Variants in ALDH3B1 observed in about 807,000 individuals in gnomAD.
The protein encoded by ALDH3B1 is aldehyde dehydrogenase 3 family member B1, also known as aldehyde dehydrogenase family 3 member B1.
In ALDH3B1, 37 loss-of-function variants were observed where a neutral mutation model predicts 46.2. The ratio of observed to expected loss-of-function variants is 0.80; its 90% confidence interval spans 0.62 to 1.05. The LOEUF (loss-of-function observed/expected upper bound fraction) is 1.05, where lower values mean the gene tolerates loss of function less well. ALDH3B1 is among the 50% of genes least tolerant of loss of function. The pLI is 0.00. For synonymous variants in ALDH3B1, 283 were observed against 281.0 expected, an observed-to-expected ratio of 1.01 and a Z score of -0.07; for missense variants, 603 against 665.5, an observed-to-expected ratio of 0.91 and a Z score of 1.03.
intron 8 of ALDH3B1, among the ~76,000 whole-genome samples, chr11:68,023,886 T>A (rs1159467403): frequency 6.6e-6 from 1 of 151,944 alleles, no homozygotes; most frequent in Non-Finnish European, 1.5e-5. Context: ...TATGAAACAT[T>A]TTTTTAAGAT....
Position 68,018,834 on chromosome 11 carries a change from C to A in ALDH3B1, c.335C>A (p.Ala112Glu). 5 of 1,565,280 alleles carry A rather than the reference C, an allele frequency of 3.2e-6. No individual in the cohort carries two copies. The highest frequency in any genetic ancestry group is 1.7e-4 in the Middle Eastern group (1 of 6,002). Residue 112 changes from alanine (A) to glutamate (E), a missense_variant, in exon 4 of 10, where the codon GCG becomes GAG. By Grantham distance (107) the Ala-to-Glu change is moderately radical. Transcript: ENST00000342456. The part of the protein sequence containing the change: ...KEPFGLVLII[A>E]PWNYPLNLTL... ...CCCTTTGGCCTGGTCCTCATCATTG[C>A]GCCCTGGAACTATCCGCTGAACCTG...
intron 8 of ALDH3B1, among the ~76,000 whole-genome samples, chr11:68,023,055 G>A (rs1233642407): frequency 1.3e-5 from 2 of 152,066 alleles, no homozygotes; most frequent in African/African-American, 4.8e-5. Flanking sequence ...CTTACACATC[G>A]GGGCCTGGTG....
At chr11:68,016,725 G>C (rs1485798687) in intron 2 of ALDH3B1, 1 of 152,448 alleles carries the variant, frequency 6.6e-6, no homozygotes, top group Non-Finnish European at 1.5e-5. Flanking sequence ...TGCCTTGAAG[G>C]CTGTAGTGTT....
At position 68,026,085 on chromosome 11, in the gene ALDH3B1, C is replaced by A. The variant is rs1415472019; in HGVS notation, c.1193C>A (p.Ala398Asp). 16 of 1,605,910 alleles carry A rather than the reference C, an allele frequency of 1.0e-5. No homozygotes were observed. The Admixed American group carries it at 2.0e-4, about 20-fold the overall frequency. Residue 398 changes from alanine (A) to aspartate (D), a missense_variant, in exon 9 of 10, where the codon GCC (alanine) becomes GAC (aspartate). Physicochemically the swap from Ala to Asp is moderately radical, Grantham distance 126. Transcript: ENST00000342456. ...GNDGFMHMTL[A>D]SLPFGGVGAS... ...GACGGCTTCATGCACATGACCCTGG[C>A]CAGCCTGCCTTTTGGAGGAGTGGGT... is the stretch of plus-strand genomic sequence containing the variant.
chr11:68,026,736 C>A (rs1394992432), intron 9 of ALDH3B1, among the ~76,000 whole-genome samples: 1 of 152,210 alleles, frequency 6.6e-6, no homozygotes, highest in Non-Finnish European at 1.5e-5. Flanking sequence ...AGGCCCCGAG[C>A]AGGTGACAGG....
chr11:68,015,661 C>T (rs1857336943), intron 2 of ALDH3B1: 2 of 748,644 alleles, frequency 2.7e-6, no homozygotes, highest in Non-Finnish European at 4.7e-6. Context: ...TGAGCACCTA[C>T]TATGTGCCAG....
Position 68,018,766 on chromosome 11 carries a change from G to A in ALDH3B1, c.274-7G>A, listed in dbSNP as rs1017098544. On this transcript the variant is annotated splice_region_variant and splice_polypyrimidine_tract_variant and intron_variant, in intron 3 of 9. Coordinates refer to ENST00000342456, the MANE Select transcript of ALDH3B1 (RefSeq NM_000694.4). ...GCACTTAATTTCATCCCCGGCTCCC[G>A]GCCCAGGCCACGCAGCTGGACTCCG... 24 of 1,551,740 alleles carry A rather than the reference G, an allele frequency of 1.5e-5. No homozygotes were observed. Among genetic ancestry groups the A allele is most frequent in the East Asian group, 2.4e-5 (1 of 40,958 alleles).
chr11:68,024,040 G>A (rs936353905), intron 8 of ALDH3B1, among the ~76,000 whole-genome samples: 3 of 151,848 alleles, frequency 2.0e-5, no homozygotes, highest in Admixed American at 6.6e-5. Context: ...GGATTTTGCT[G>A]TTTTTCCACT....
intron 4 of ALDH3B1, 115 bp from the exon 5 acceptor site, chr11:68,019,055 C>T: frequency 6.9e-7 from 1 of 1,457,670 alleles, no homozygotes; most frequent in Non-Finnish European, 9.3e-7. Context: ...CATGTTACCT[C>T]TCTGAACCAG....
intron 9 of ALDH3B1, 81 bp downstream of exon 9, chr11:68,026,189 A>C (rs1590783766): frequency 8.2e-7 from 1 of 1,214,178 alleles, no homozygotes; most frequent in Non-Finnish European, 1.1e-6. Flanking sequence ...CTGCCAAAGC[A>C]CCCCAGCCCC....
intron 3 of ALDH3B1, 21 bp downstream of exon 3, chr11:68,018,658 C>A (rs768701840): frequency 1.9e-6 from 3 of 1,557,228 alleles, no homozygotes; most frequent in Non-Finnish European, 2.6e-6. Flanking sequence ...CGGGCTGAGG[C>A]GGGCAGGGGG....
intron 2 of ALDH3B1, chr11:68,015,722 T>G: frequency 3.1e-6 from 2 of 649,840 alleles, no homozygotes; most frequent in South Asian, 3.1e-5. Context: ...ACAGTTCCCA[T>G]GCCTACGAAG....
At chr11:68,018,276 G>T in intron 2 of ALDH3B1, 1 of 530,210 alleles carries the variant, frequency 1.9e-6, no homozygotes. Flanking sequence ...CGTCCTAATG[G>T]AGCCGTCAGC....
chr11:68,021,566 A>C lies in ALDH3B1; in HGVS notation c.644A>C (p.Asn215Thr). ...GTCACCCTGGAGCTGGGGGGCAAGA[A>C]CCCTTGCTACGTGGACGACAACTGC... The part of the protein sequence containing the change: ...TPVTLELGGK[N>T]PCYVDDNCDP... The change falls in exon 7 of 10, where the codon AAC becomes ACC. Residue 215 changes from asparagine to threonine, a missense_variant. Physicochemically the swap from Asn to Thr is moderately conservative, Grantham distance 65. Transcript: ENST00000342456. The C allele has an allele frequency of 6.2e-7, 1 of 1,613,974 alleles. No homozygotes were observed. The highest frequency in any genetic ancestry group is 8.5e-7 in the Non-Finnish European group (1 of 1,179,960).
At position 68,028,946 on chromosome 11, in the gene ALDH3B1, T is replaced by G. The variant is rs1565143648; in HGVS notation, c.*1007T>G. 1 of 152,262 alleles carries G rather than the reference T, an allele frequency of 6.6e-6. No homozygotes were observed. The highest frequency in any genetic ancestry group is 2.1e-4 in the South Asian group (1 of 4,830). The allele number at this position is 152,262 out of a possible 1,614,324, so 9.4% of individuals were successfully genotyped here. On this transcript the variant is annotated 3_prime_UTR_variant, in exon 10 of 10. Transcript: ENST00000342456. ...GTCATACTCTTCCCCATGCTGCTCA[T>G]CCTCCTGGGCCCCATCCACTCAGCC...
chr11:68,020,154 C>T (rs896621833), intron 6 of ALDH3B1, among the ~76,000 whole-genome samples: 2 of 152,150 alleles, frequency 1.3e-5, no homozygotes, highest in Admixed American at 6.5e-5. Flanking sequence ...TGCCCAGGGT[C>T]ACCCTGCTGG....
At chr11:68,022,128 A>G (rs961655171) in intron 7 of ALDH3B1, among the ~76,000 whole-genome samples, 1 of 152,136 alleles carries the variant, frequency 6.6e-6, no homozygotes, top group African/African-American at 2.4e-5. Context: ...GCGTGCTAAG[A>G]TGAACTCCCA....
At chr11:68,026,854 C>A (rs1180866356) in intron 9 of ALDH3B1, among the ~76,000 whole-genome samples, 1 of 152,230 alleles carries the variant, frequency 6.6e-6, no homozygotes, top group Non-Finnish European at 1.5e-5. Flanking sequence ...AGGGGCACAA[C>A]AGTGCCTGTG....
At chr11:68,019,377 G>A in intron 5 of ALDH3B1, 122 bp downstream of exon 5, 1 of 889,814 alleles carries the variant, frequency 1.1e-6, no homozygotes, top group Non-Finnish European at 1.8e-6. Flanking sequence ...CCTCTTCTGA[G>A]TTGTGTAAAC....
Sources: gnomAD v4.1 joint callset for allele counts (sites outside exome capture counted in the v4.1 genomes callset) on GRCh38, gnomAD v4.1.1 for gene constraint, MANE v1.5 for transcripts, NCBI Gene and HGNC (gene_info 2026-07-23, HGNC 2026-07-21) for gene names.